FRK: variants seen among roughly 807,000 people sequenced by gnomAD.
FRK encodes fyn related Src family tyrosine kinase.
Under a neutral mutation model 56.4 loss-of-function variants are expected in FRK, and 51 were observed. That is an observed-to-expected ratio of 0.90 (90% confidence interval 0.72 to 1.14). The LOEUF (loss-of-function observed/expected upper bound fraction) is 1.14. Among genes scored for constraint, FRK ranks in the 50% most tolerant of loss-of-function variants. The probability of loss-of-function intolerance (pLI) is 0.00; values close to 1 mark genes in which losing one functional copy is unlikely to be tolerated. For synonymous variants in FRK, 245 were observed against 217.9 expected (o/e 1.12, Z -1.10); for missense variants, 570 against 601.4 (o/e 0.95, Z 0.55).
At position 115,937,336 on chromosome 6, in the gene FRK, T is replaced by G. The variant is rs988740369; in HGVS notation, c.*5078A>C. On this transcript the variant is annotated 3_prime_UTR_variant, in exon 8 of 8. Transcript: ENST00000606080. ...GAGCTCCTGAAGGAAGCACTAAACA[T>G]AGAGAGGAACAATCAATACCAGCCA... 1.5e-4 allele frequency: 23 copies of G among 152,188 alleles called. No homozygotes were observed. Among genetic ancestry groups the G allele is most frequent in the African/African-American group, 4.8e-4 (20 of 41,498 alleles). The allele number at this position is 152,188 out of a possible 1,614,324, so 9.4% of individuals were successfully genotyped here.
intron 1 of FRK, among the ~76,000 whole-genome samples, chr6:116,005,640 T>C (rs1300305388): frequency 6.6e-6 from 1 of 152,222 alleles, no homozygotes; most frequent in Non-Finnish European, 1.5e-5. Context: ...GACTATTGTT[T>C]ATGTAACTGA....
upstream of FRK, among the ~76,000 whole-genome samples, chr6:116,061,259 C>T (rs1243567598): frequency 2.0e-5 from 3 of 152,086 alleles, no homozygotes; most frequent in African/African-American, 4.8e-5. Flanking sequence ...TTTCTCATTA[C>T]CAAGAATAGA....
chr6:116,039,556 G>A, intron 1 of FRK: 1 of 929,494 alleles, frequency 1.1e-6, no homozygotes, highest in Non-Finnish European at 1.8e-6. Context: ...CAGAAGCCCA[G>A]TAACTGCCCC....
At chr6:116,098,630 T>A in the FRK span, among the ~76,000 whole-genome samples, 1 of 152,160 alleles carries the variant, frequency 6.6e-6, no homozygotes, top group Non-Finnish European at 1.5e-5. Context: ...CAAAATTCAG[T>A]CCATGATACT....
At chr6:116,083,372 CTT>C in the FRK span, among the ~76,000 whole-genome samples, 1 of 151,866 alleles carries the variant, frequency 6.6e-6, no homozygotes. Flanking sequence ...AAAAAAAAAG[CTT>C]TGTTTTGTTT....
the FRK span, among the ~76,000 whole-genome samples, chr6:116,085,610 G>A: frequency 6.6e-6 from 1 of 152,154 alleles, no homozygotes; most frequent in Non-Finnish European, 1.5e-5. Context: ...TTAATACAAT[G>A]TCTGGCATAT....
chr6:115,975,633 G>A lies in FRK; in HGVS notation c.467-6894C>T, dbSNP rs960021529. ...CTACAGACTATAAGTGAATGCTTGT[G>A]CCATTCTTTTTGTGAAATACTATGA... On this transcript the variant is annotated intron_variant, in intron 2 of 7. Transcript: ENST00000606080. 5.9e-5 allele frequency among the ~76,000 whole-genome samples: 9 copies of A among 151,956 alleles called. No individual in the cohort carries two copies. In the South Asian group the frequency reaches 1.7e-3, roughly 28 times the overall value.
At chr6:115,975,193 C>T (rs559201436) in intron 2 of FRK, among the ~76,000 whole-genome samples, 3 of 152,214 alleles carry the variant, frequency 2.0e-5, no homozygotes, top group African/African-American at 7.2e-5. Context: ...AGAGAATAGT[C>T]ATTCAAGTCA....
chr6:116,091,261 T>C, the FRK span, among the ~76,000 whole-genome samples: 1 of 152,168 alleles, frequency 6.6e-6, no homozygotes, highest in Non-Finnish European at 1.5e-5. Flanking sequence ...GCTCTGTGTC[T>C]AGCTAAAGGA....
chr6:116,048,614 G>A (rs1368979964), intron 1 of FRK, among the ~76,000 whole-genome samples: 2 of 151,942 alleles, frequency 1.3e-5, no homozygotes, highest in South Asian at 4.2e-4. Context: ...TCAAACTCCT[G>A]GGCTCAAGTG....
At chr6:115,975,950 T>C (rs1000959630) in intron 2 of FRK, among the ~76,000 whole-genome samples, 1 of 152,172 alleles carries the variant, frequency 6.6e-6, no homozygotes, top group Non-Finnish European at 1.5e-5. Flanking sequence ...TCAGTTATTC[T>C]GCACGTTAAC....
chr6:116,091,659 C>CG, the FRK span, among the ~76,000 whole-genome samples: 3 of 152,110 alleles, frequency 2.0e-5, 1 homozygote, highest in South Asian at 6.2e-4. Context: ...CCTTAGAATT[C>CG]GGGGGCTAAA....
intron 1 of FRK, among the ~76,000 whole-genome samples, chr6:116,027,907 A>T (rs1007975383): frequency 1.3e-5 from 2 of 152,070 alleles, no homozygotes; most frequent in African/African-American, 4.8e-5. Flanking sequence ...GAAGGGAGGA[A>T]CTGTTCAGAG....
intron 1 of FRK, among the ~76,000 whole-genome samples, chr6:116,023,443 T>G (rs1047083418): frequency 6.6e-6 from 1 of 152,170 alleles, no homozygotes; most frequent in Non-Finnish European, 1.5e-5. Context: ...CAACTGGTAC[T>G]CAGAATCAAA....
intron 5 of FRK, among the ~76,000 whole-genome samples, chr6:115,950,001 C>T (rs1433956557): frequency 6.6e-6 from 1 of 152,090 alleles, no homozygotes; most frequent in Non-Finnish European, 1.5e-5. Flanking sequence ...GAAATGGGAC[C>T]CCTTCCTTAC....
At chr6:116,001,065 C>CTAAA (rs1166933335) in intron 2 of FRK, among the ~76,000 whole-genome samples, 7 of 151,992 alleles carry the variant, frequency 4.6e-5, no homozygotes, top group Non-Finnish European at 7.4e-5. Context: ...CGGTGAAACC[C>CTAAA]CGTCCCTACT....
chr6:115,935,381 C>G lies in FRK; in HGVS notation c.*7033G>C, dbSNP rs1009759064. Reference sequence around the variant, plus strand: ...CAGGAGATTCCCTCCGGTGCCTACGCCACTGGGGCCCTGGGTGTCAAGCAC... The same window carrying G: ...CAGGAGATTCCCTCCGGTGCCTACGGCACTGGGGCCCTGGGTGTCAAGCAC... On this transcript the variant is annotated 3_prime_UTR_variant, in exon 8 of 8. Coordinates refer to ENST00000606080, the MANE Select transcript of FRK (RefSeq NM_002031.3). 6 of 152,778 alleles carry G rather than the reference C, an allele frequency of 3.9e-5. 1 individual carries two copies. Among genetic ancestry groups the G allele is most frequent in the African/African-American group, 1.4e-4 (6 of 41,474 alleles). 9.5% of individuals were successfully genotyped at this position (152,778 alleles called of 1,614,324 possible). A position where few individuals can be genotyped will look rare whatever the true frequency, so the allele number is the denominator to read the frequency against.
chr6:116,082,131 T>G, the FRK span, among the ~76,000 whole-genome samples: 169 of 152,270 alleles, frequency 1.1e-3, no homozygotes, highest in African/African-American at 4.0e-3. Context: ...CTGAAAGATC[T>G]CTGAAGGGGG....
At chr6:116,026,829 C>T (rs1450283775) in intron 1 of FRK, among the ~76,000 whole-genome samples, 5 of 152,106 alleles carry the variant, frequency 3.3e-5, no homozygotes, top group Non-Finnish European at 2.9e-5. Flanking sequence ...CAGTAACCAA[C>T]ACCTGAAGAA....
Sources: gnomAD v4.1 joint callset for allele counts (sites outside exome capture counted in the v4.1 genomes callset) on GRCh38, gnomAD v4.1.1 for gene constraint, MANE v1.5 for transcripts, NCBI Gene and HGNC (gene_info 2026-07-23, HGNC 2026-07-21) for gene names.